The following PIK3R3 variants were observed in gnomAD, a reference collection of about 807,000 sequenced individuals.
PIK3R3 encodes phosphoinositide-3-kinase regulatory subunit 3.
A neutral mutation model predicts 62.9 loss-of-function variants in PIK3R3; 64 were observed. The observed-to-expected ratio is 1.02, with a 90% CI of 0.83 to 1.25. PIK3R3 has a LOEUF of 1.25. PIK3R3 is among the 50% of genes most tolerant of loss of function. PIK3R3 has a pLI of 0.00. For synonymous variants in PIK3R3, 165 were observed against 189.0 expected (o/e 0.87, Z 1.04); for missense variants, 614 against 561.6 (o/e 1.09, Z -0.94).
intron 1 of PIK3R3, among the ~76,000 whole-genome samples, chr1:46,089,856 A>G (rs963931192): frequency 2.7e-4 from 41 of 152,200 alleles, no homozygotes; most frequent in Non-Finnish European, 2.2e-4. Flanking sequence ...AAAAATGCAT[A>G]GAAGGAAAGA....
the PIK3R3 span, among the ~76,000 whole-genome samples, chr1:46,144,992 G>A: frequency 1.5e-4 from 23 of 150,448 alleles, no homozygotes; most frequent in Non-Finnish European, 2.8e-4. Context: ...GTGTGATGGC[G>A]CATGCCTGTA....
the PIK3R3 span, among the ~76,000 whole-genome samples, chr1:46,174,794 C>T: frequency 6.6e-6 from 1 of 152,180 alleles, no homozygotes; most frequent in Non-Finnish European, 1.5e-5. Flanking sequence ...TTGCCCCACC[C>T]CTAAGCACCC....
the PIK3R3 span, among the ~76,000 whole-genome samples, chr1:46,142,421 G>A: frequency 3.3e-5 from 5 of 152,318 alleles, no homozygotes; most frequent in South Asian, 4.1e-4. Flanking sequence ...TACAGAGGCC[G>A]GGCGCGGTGG....
chr1:46,152,050 G>A, the PIK3R3 span, among the ~76,000 whole-genome samples: 16 of 152,290 alleles, frequency 1.1e-4, no homozygotes, highest in African/African-American at 2.4e-4. Flanking sequence ...CATGCTGTTC[G>A]CATCTCTAGC....
rs1646971867 is a variant in PIK3R3, at chr1:46,040,284, T to G, written c.*3389A>C. On this transcript the variant is annotated 3_prime_UTR_variant, in exon 10 of 10. Coordinates refer to ENST00000262741, the MANE Select transcript of PIK3R3 (RefSeq NM_003629.4). Reference sequence around the variant, plus strand: ...TCCCCAACAATTGCACAGCAATGTCTGAACACATCTGGTGACAAGAACAAT... The same window carrying G: ...TCCCCAACAATTGCACAGCAATGTCGGAACACATCTGGTGACAAGAACAAT... The G allele has an allele frequency of 2.2e-5, 5 of 232,466 alleles. No homozygotes were observed. The Admixed American group carries it at 2.8e-4, about 13-fold the overall frequency. The allele number at this position is 232,466 out of a possible 1,614,324, so 14.4% of individuals were successfully genotyped here. A position where few individuals can be genotyped will look rare whatever the true frequency, so the allele number is the denominator to read the frequency against.
chr1:46,162,985 A>G, the PIK3R3 span, among the ~76,000 whole-genome samples: 1 of 152,150 alleles, frequency 6.6e-6, no homozygotes, highest in Admixed American at 6.5e-5. Context: ...TGTATTTTTC[A>G]AGTTTTCTAC....
chr1:46,115,847 C>T (rs1301396773), intron 1 of PIK3R3, among the ~76,000 whole-genome samples: 2 of 152,102 alleles, frequency 1.3e-5, no homozygotes, highest in Non-Finnish European at 2.9e-5. Context: ...TGGTTCCTGG[C>T]CCTTATTGTA....
chr1:46,130,179 C>T (rs995110914), intron 1 of PIK3R3, among the ~76,000 whole-genome samples: 1 of 152,132 alleles, frequency 6.6e-6, no homozygotes, highest in Non-Finnish European at 1.5e-5. Flanking sequence ...TGTATGTCTG[C>T]AAGGCAAGGT....
Position 46,043,631 on chromosome 1 carries a change from A to C in PIK3R3, c.*42T>G, listed in dbSNP as rs1325596917. On this transcript the variant is annotated 3_prime_UTR_variant, in exon 10 of 10. Coordinates refer to ENST00000262741, the MANE Select transcript of PIK3R3 (RefSeq NM_003629.4). ...CTCATCGTAGTCTAATAAAAACTGTAGAAAAAAATGCCAGAGAACCACCTC... is the reference window on the plus strand; with the variant it reads ...CTCATCGTAGTCTAATAAAAACTGTCGAAAAAAATGCCAGAGAACCACCTC... 6.5e-7 allele frequency: 1 copy of C among 1,542,518 alleles called. No homozygotes were observed. Among genetic ancestry groups the C allele is most frequent in the Admixed American group, 1.7e-5 (1 of 59,850 alleles).
intron 1 of PIK3R3, among the ~76,000 whole-genome samples, chr1:46,109,132 C>T (rs1395829406): frequency 6.8e-6 from 1 of 147,834 alleles, no homozygotes; most frequent in Non-Finnish European, 1.5e-5. Flanking sequence ...GCACTCCATC[C>T]AGCCTGGGTG....
At chr1:46,056,032 G>A in intron 6 of PIK3R3, 61 bp from the exon 7 acceptor site, 1 of 1,102,662 alleles carries the variant, frequency 9.1e-7, no homozygotes. Context: ...ATCCTACTGG[G>A]TGAGCACGGT....
chr1:46,141,019 C>A, the PIK3R3 span, among the ~76,000 whole-genome samples: 2 of 152,074 alleles, frequency 1.3e-5, no homozygotes, highest in African/African-American at 4.8e-5. Context: ...CACCACCACA[C>A]CTGGCTAATT....
At chr1:46,075,755 C>T (rs1048519574) in intron 3 of PIK3R3, among the ~76,000 whole-genome samples, 5 of 152,298 alleles carry the variant, frequency 3.3e-5, no homozygotes, top group African/African-American at 9.6e-5. Flanking sequence ...GGGGAATTGG[C>T]TCACATGTTT....
At chr1:46,124,093 A>G (rs1369110243) in intron 1 of PIK3R3, among the ~76,000 whole-genome samples, 1 of 152,238 alleles carries the variant, frequency 6.6e-6, no homozygotes, top group African/African-American at 2.4e-5. Flanking sequence ...TTTTGACTGC[A>G]AGAGTACCCA....
chr1:46,128,847 G>C (rs1655317718), intron 1 of PIK3R3, among the ~76,000 whole-genome samples: 2 of 152,162 alleles, frequency 1.3e-5, no homozygotes, highest in African/African-American at 4.8e-5. Context: ...TTGGGAGGCC[G>C]AGGCAGGCAG....
intron 4 of PIK3R3, 28 bp downstream of exon 4, chr1:46,066,883 T>C: frequency 6.4e-7 from 1 of 1,560,954 alleles, no homozygotes; most frequent in Non-Finnish European, 8.8e-7. Flanking sequence ...ACTTGCTCAA[T>C]AGCTAGCAAG....
At chr1:46,123,726 G>A (rs372268644) in intron 1 of PIK3R3, among the ~76,000 whole-genome samples, 1 of 152,210 alleles carries the variant, frequency 6.6e-6, no homozygotes, top group East Asian at 1.9e-4. Flanking sequence ...CTAAGTCTCA[G>A]TTTCCTGTCT....
rs1411157162 is a variant in PIK3R3, at chr1:46,062,048, T to A, written c.645A>T (p.Ala215=). ...TAATTGTTTCATTAAAAGCTTCTATTGCAGTCCTCTTCATCTGTATTTCCT... is the reference window on the plus strand; with the variant it reads ...TAATTGTTTCATTAAAAGCTTCTATAGCAGTCCTCTTCATCTGTATTTCCT... ...TSQEIQMKRT[A]IEAFNETIKI... The change falls in exon 6 of 10, where the codon GCA becomes GCT. Residue 215 remains alanine, a synonymous_variant. Coordinates refer to ENST00000262741, the MANE Select transcript of PIK3R3 (RefSeq NM_003629.4). The A allele has an allele frequency of 3.7e-6, 6 of 1,611,390 alleles. No homozygotes were observed.
chr1:46,045,901 C>T lies in PIK3R3; in HGVS notation c.1187+17G>A. The T allele has an allele frequency of 6.2e-7, 1 of 1,600,964 alleles. No homozygotes were observed. The highest frequency in any genetic ancestry group is 8.6e-7 in the Non-Finnish European group (1 of 1,169,312). On this transcript the variant is annotated intron_variant, in intron 9 of 9. Coordinates refer to ENST00000262741, the MANE Select transcript of PIK3R3 (RefSeq NM_003629.4). Reference sequence around the variant, plus strand: ...TGCAAAAGATTTCAAAAGGTTATATCCCCAGAGAAGACTTACACCACAGAG... The same window carrying T: ...TGCAAAAGATTTCAAAAGGTTATATTCCCAGAGAAGACTTACACCACAGAG...
Sources: gnomAD v4.1 joint callset for allele counts (sites outside exome capture counted in the v4.1 genomes callset) on GRCh38, gnomAD v4.1.1 for gene constraint, MANE v1.5 for transcripts, NCBI Gene and HGNC (gene_info 2026-07-23, HGNC 2026-07-21) for gene names.